Variants in QTMAN observed in about 807,000 individuals in gnomAD.
The protein encoded by QTMAN is tRNA-queuosine alpha-mannosyltransferase.
chr2:144,016,364 A>G, the QTMAN span, among the ~76,000 whole-genome samples: 1 of 152,206 alleles, frequency 6.6e-6, no homozygotes, highest in African/African-American at 2.4e-5. Flanking sequence ...TCAGAAGCCA[A>G]GTTTCAAAAG....
the QTMAN span, among the ~76,000 whole-genome samples, chr2:144,119,486 C>T: frequency 2.6e-5 from 4 of 152,324 alleles, no homozygotes; most frequent in Non-Finnish European, 5.9e-5. Context: ...CCTGTCCTAA[C>T]TCTACTTCTG....
chr2:144,092,486 T>A, the QTMAN span, among the ~76,000 whole-genome samples: 1 of 152,292 alleles, frequency 6.6e-6, no homozygotes, highest in Middle Eastern at 3.4e-3. Flanking sequence ...AAACTGTACA[T>A]CTTATATGTA....
the QTMAN span, among the ~76,000 whole-genome samples, chr2:144,185,907 G>C: frequency 1.3e-5 from 2 of 152,202 alleles, no homozygotes; most frequent in African/African-American, 4.8e-5. Context: ...ACATAGGAAA[G>C]ATAGTTTGTA....
chr2:144,194,406 C>T, the QTMAN span, among the ~76,000 whole-genome samples: 1 of 152,276 alleles, frequency 6.6e-6, no homozygotes, highest in Admixed American at 6.5e-5. Context: ...TTCCTCGTCC[C>T]TCTGGGCTCC....
chr2:143,947,823 C>A, the QTMAN span, among the ~76,000 whole-genome samples: 2 of 150,754 alleles, frequency 1.3e-5, no homozygotes, highest in Non-Finnish European at 2.9e-5. Context: ...TTAGACAAAT[C>A]AGAGGAAAGC....
the QTMAN span, among the ~76,000 whole-genome samples, chr2:144,297,490 C>T: frequency 6.6e-5 from 10 of 151,378 alleles, no homozygotes; most frequent in Non-Finnish European, 2.9e-5. Context: ...AATGGTAGGT[C>T]TCGGTTCAGT....
chr2:144,065,577 C>CCA, the QTMAN span, among the ~76,000 whole-genome samples: 5 of 152,098 alleles, frequency 3.3e-5, no homozygotes, highest in African/African-American at 1.2e-4. Context: ...TTCCACTTGC[C>CCA]CTTTCAGACC....
the QTMAN span, among the ~76,000 whole-genome samples, chr2:144,314,708 G>A: frequency 4.6e-5 from 7 of 152,018 alleles, no homozygotes; most frequent in Admixed American, 2.0e-4. Flanking sequence ...GTAAGACTCC[G>A]TCTCAAATAA....
chr2:144,066,316 T>C, the QTMAN span, among the ~76,000 whole-genome samples: 1 of 152,242 alleles, frequency 6.6e-6, no homozygotes, highest in Non-Finnish European at 1.5e-5. Flanking sequence ...ATAAAAACTT[T>C]GCTTCAACTA....
chr2:144,167,915 C>T, the QTMAN span, among the ~76,000 whole-genome samples: 2 of 152,102 alleles, frequency 1.3e-5, no homozygotes, highest in Non-Finnish European at 2.9e-5. Flanking sequence ...TTTGTCTTTT[C>T]TCTTACCCTC....
At chr2:144,265,636 C>T in the QTMAN span, among the ~76,000 whole-genome samples, 1,335 of 152,120 alleles carry the variant, frequency 8.8e-3, 14 homozygotes, top group African/African-American at 0.03. Context: ...GCGGAGGTTG[C>T]AGTGAGCCGA....
the QTMAN span, among the ~76,000 whole-genome samples, chr2:144,282,493 A>G: frequency 6.6e-6 from 1 of 151,744 alleles, no homozygotes; most frequent in African/African-American, 2.4e-5. Flanking sequence ...TTTATTATTG[A>G]TACATGCATA....
the QTMAN span, chr2:144,007,185 C>T: frequency 2.2e-5 from 34 of 1,574,098 alleles, no homozygotes; most frequent in Admixed American, 3.5e-5. Flanking sequence ...GACTTACCAC[C>T]TGTGAGGCCA....
At chr2:144,301,826 A>G in the QTMAN span, among the ~76,000 whole-genome samples, 2 of 152,222 alleles carry the variant, frequency 1.3e-5, no homozygotes, top group South Asian at 4.1e-4. Context: ...TCCAGGAGGC[A>G]TGTCTTCTTT....
chr2:144,103,131 A>C, the QTMAN span, among the ~76,000 whole-genome samples: 1 of 152,230 alleles, frequency 6.6e-6, no homozygotes, highest in Non-Finnish European at 1.5e-5. Context: ...CATTTACTGA[A>C]TGCTTACCAT....
the QTMAN span, among the ~76,000 whole-genome samples, chr2:144,186,365 G>A: frequency 6.6e-6 from 1 of 152,168 alleles, no homozygotes; most frequent in African/African-American, 2.4e-5. Flanking sequence ...CAGAGATTAT[G>A]TTGTAGAGGG....
the QTMAN span, among the ~76,000 whole-genome samples, chr2:144,284,047 T>G: frequency 4.3e-4 from 65 of 152,098 alleles, no homozygotes; most frequent in South Asian, 8.6e-3. Context: ...TAATCTAAGA[T>G]AGCATAAATG....
At chr2:144,046,362 T>A in the QTMAN span, among the ~76,000 whole-genome samples, 1 of 152,238 alleles carries the variant, frequency 6.6e-6, no homozygotes, top group Admixed American at 6.5e-5. Flanking sequence ...TTATTGTTTT[T>A]AATAAAAGGT....
chr2:144,017,050 G>A, the QTMAN span, among the ~76,000 whole-genome samples: 1 of 151,870 alleles, frequency 6.6e-6, no homozygotes, highest in African/African-American at 2.4e-5. Flanking sequence ...CTGTCGCCAG[G>A]CTGGAGCACA....
Sources: gnomAD v4.1 joint callset for allele counts (sites outside exome capture counted in the v4.1 genomes callset) on GRCh38, gnomAD v4.1.1 for gene constraint, MANE v1.5 for transcripts, NCBI Gene and HGNC (gene_info 2026-07-23, HGNC 2026-07-21) for gene names.